Variants in CDON observed in about 807,000 individuals in gnomAD.
The protein encoded by CDON is cell adhesion associated, oncogene regulated.
A neutral mutation model predicts 120.9 loss-of-function variants in CDON; 73 were observed. That is an observed-to-expected ratio of 0.60 (90% confidence interval 0.50 to 0.73). CDON has a LOEUF of 0.73. CDON is among the 30% of genes least tolerant of loss of function. CDON has a pLI of 0.00. For missense variants in CDON, 1,470 were observed against 1,587.3 expected (o/e 0.93, Z 1.26); for synonymous variants, 566 against 573.5 (o/e 0.99, Z 0.19).
chr11:125,986,927 G>A (rs941450496), intron 15 of CDON, among the ~76,000 whole-genome samples: 3 of 152,162 alleles, frequency 2.0e-5, no homozygotes, highest in Admixed American at 2.0e-4. Flanking sequence ...AAAGCTGGAT[G>A]AACACTTGGC....
Position 126,017,147 on chromosome 11 carries a change from C to G in CDON, c.869G>C (p.Cys290Ser). 6.2e-7 allele frequency: 1 copy of G among 1,614,140 alleles called. No individual in the cohort carries two copies. The highest frequency in any genetic ancestry group is 8.5e-7 in the Non-Finnish European group (1 of 1,180,000). ...VDPADSGNYSCMAGNKSGDVK... is the reference protein window; with the variant it reads ...VDPADSGNYSSMAGNKSGDVK... ...ATCTCCAGACTTGTTTCCCGCCATGCAGGAATAGTTTCCGGAGTCCGCCGG... is the reference window on the plus strand; with the variant it reads ...ATCTCCAGACTTGTTTCCCGCCATGGAGGAATAGTTTCCGGAGTCCGCCGG... The change falls in exon 6 of 20, where the codon TGC (cysteine) becomes TCC (serine). Residue 290 changes from cysteine (C) to serine (S), a missense_variant. Transcript: ENST00000531738.
rs1192651368 is a variant in CDON, at chr11:125,956,927, A to G, written c.*4015T>C. ...AGGAAGGCTTATTTAAATATGGGAA[A>G]TAAAATACAAAAGGGCCACACCCGA... On this transcript the variant is annotated 3_prime_UTR_variant, in exon 20 of 20. Coordinates refer to ENST00000531738, the MANE Select transcript of CDON (RefSeq NM_001378964.1). 9.9e-6 allele frequency: 9 copies of G among 909,590 alleles called. No individual in the cohort carries two copies. In the South Asian group the frequency reaches 2.0e-4, roughly 20 times the overall value. The allele number at this position is 909,590 out of a possible 1,614,324, so 56.3% of individuals were successfully genotyped here.
At chr11:126,055,750 A>C (rs1948666735) in intron 1 of CDON, among the ~76,000 whole-genome samples, 2 of 152,230 alleles carry the variant, frequency 1.3e-5, no homozygotes, top group African/African-American at 2.4e-5. Flanking sequence ...GTACCTATAT[A>C]AAAAGGTAGT....
intron 9 of CDON, among the ~76,000 whole-genome samples, chr11:126,005,132 T>C (rs896803036): frequency 2.6e-5 from 4 of 152,042 alleles, no homozygotes; most frequent in Non-Finnish European, 5.9e-5. Flanking sequence ...AAACCCCATC[T>C]CTACTAAAAA....
rs1947037247 is a variant in CDON at position 126,003,961 on chromosome 11, A to G, written c.1967T>C (p.Val656Ala). Residue 656 changes from valine to alanine, a missense_variant, in exon 10 of 20, where the codon GTA becomes GCA. Physicochemically the swap from Val to Ala is moderately conservative, Grantham distance 64. Transcript: ENST00000531738. ...EPSSLYEVLMVARSAAGEGQP... is the reference protein window; with the variant it reads ...EPSSLYEVLMAARSAAGEGQP... ...GCCTTCACCTGCTGCGCTTCTTGCT[A>G]CCATCAAGACTTCATAAAGACTAGA... The G allele has an allele frequency of 2.5e-6, 4 of 1,613,860 alleles. No homozygotes were observed. The highest frequency in any genetic ancestry group is 1.3e-5 in the African/African-American group (1 of 74,898).
In CDON at chr11:126,023,608, T is replaced by C. The variant is rs11822178; in HGVS notation, c.-61-71A>G. 172,927 of 738,252 alleles carry C rather than the reference T, an allele frequency of 0.23. 20,917 individuals are homozygous for C. The highest frequency in any genetic ancestry group is 0.3 in the Middle Eastern group (835 of 2,814). The allele number at this position is 738,252 out of a possible 1,614,324, so 45.7% of individuals were successfully genotyped here. A position where few individuals can be genotyped will look rare whatever the true frequency, so the allele number is the denominator to read the frequency against. ...GTCTGAGCAGCTGGAGCTGTGAGCA[T>C]GACGGCTGCCATCTATTTTGAAAGC... On this transcript the variant is annotated intron_variant, in intron 1 of 19. Transcript: ENST00000531738.
At chr11:126,043,001 G>T (rs1948305721) in intron 1 of CDON, among the ~76,000 whole-genome samples, 2 of 152,284 alleles carry the variant, frequency 1.3e-5, no homozygotes, top group Non-Finnish European at 2.9e-5. Context: ...CGACTTCCTA[G>T]AACTAAATTG....
At position 126,010,431 on chromosome 11, in the gene CDON, G is replaced by A; in HGVS notation, c.1462C>T (p.Gln488Ter). 1 of 1,614,114 alleles carries A rather than the reference G, an allele frequency of 6.2e-7. No individual in the cohort carries two copies. The highest frequency in any genetic ancestry group is 8.5e-7 in the Non-Finnish European group (1 of 1,179,998). ...SQAGASSLHI[Q>*]AVTQEHAGKY... ...CCCGCATGTTCCTGAGTCACAGCCT[G>A]AATATGGAGAGAGCTTGCACCAGCT... The change falls in exon 8 of 20, where the codon CAG becomes TAG. Residue 488 changes from glutamine to a stop codon, truncating the protein, a stop_gained. Transcript: ENST00000531738. LOFTEE classifies it high-confidence loss of function.
In CDON at chr11:126,001,008, A is replaced by G. The variant is rs117637653; in HGVS notation, c.2158+711T>C. Among the ~76,000 whole-genome samples the G allele has an allele frequency of 7.8e-3, 1,190 of 152,322 alleles. 7 individuals are homozygous for G. Among genetic ancestry groups the G allele is most frequent in the Non-Finnish European group, 0.013 (885 of 68,024 alleles). On this transcript the variant is annotated intron_variant, in intron 11 of 19. Coordinates refer to ENST00000531738, the MANE Select transcript of CDON (RefSeq NM_001378964.1). ...TATACAGCTAAGACCTTTAAAAACC[A>G]TAAGATTAACTAGATATAGCAAAAA...
At chr11:126,033,444 C>T (rs1364727969) in intron 1 of CDON, among the ~76,000 whole-genome samples, 3 of 152,038 alleles carry the variant, frequency 2.0e-5, no homozygotes, top group Non-Finnish European at 2.9e-5. Flanking sequence ...AACTATCATG[C>T]TTGAAGGGAC....
chr11:125,981,783 A>G (rs1285867248), intron 16 of CDON, among the ~76,000 whole-genome samples: 5 of 151,958 alleles, frequency 3.3e-5, no homozygotes, highest in African/African-American at 4.8e-5. Context: ...CTAAGTGCTG[A>G]AAAAAACTGC....
At chr11:126,011,030 C>A in intron 7 of CDON, 3 of 387,868 alleles carry the variant, frequency 7.7e-6, no homozygotes, top group South Asian at 6.1e-5. Context: ...AACCTCAGAC[C>A]TTAACAGGAA....
At chr11:126,056,947 T>C (rs1219879066) in intron 1 of CDON, among the ~76,000 whole-genome samples, 2 of 152,236 alleles carry the variant, frequency 1.3e-5, no homozygotes. Context: ...GACTGGTGGT[T>C]ACTTCTGTAC....
At chr11:125,963,304 T>A (rs1248819265) in intron 18 of CDON, among the ~76,000 whole-genome samples, 1 of 152,166 alleles carries the variant, frequency 6.6e-6, no homozygotes, top group Non-Finnish European at 1.5e-5. Context: ...AGTGACACTT[T>A]TTTTCCCCCC....
chr11:126,013,610 T>C (rs758299404), intron 7 of CDON, among the ~76,000 whole-genome samples: 1 of 152,162 alleles, frequency 6.6e-6, no homozygotes, highest in Non-Finnish European at 1.5e-5. Flanking sequence ...AATCTTATTA[T>C]CTTTAATTGC....
chr11:125,972,270 A>G (rs1218097396), intron 18 of CDON, among the ~76,000 whole-genome samples: 3 of 152,176 alleles, frequency 2.0e-5, no homozygotes, highest in Non-Finnish European at 4.4e-5. Context: ...TACTAAAAAT[A>G]CAAAAAAATT....
Position 126,017,153 on chromosome 11 carries a change from T to G in CDON, c.863A>C (p.Tyr288Ser). 1.2e-6 allele frequency: 2 copies of G among 1,614,158 alleles called. No individual in the cohort carries two copies. Among genetic ancestry groups the G allele is most frequent in the South Asian group, 1.1e-5 (1 of 91,084 alleles). Residue 288 changes from tyrosine to serine, a missense_variant, in exon 6 of 20, where the codon TAT (tyrosine) becomes TCT (serine). Tyr to Ser is a moderately radical substitution (Grantham distance 144). Coordinates refer to ENST00000531738, the MANE Select transcript of CDON (RefSeq NM_001378964.1). ...DSVDPADSGNYSCMAGNKSGD... is the reference protein window; with the variant it reads ...DSVDPADSGNSSCMAGNKSGD... ...AGACTTGTTTCCCGCCATGCAGGAA[T>G]AGTTTCCGGAGTCCGCCGGGTCAAC...
At chr11:126,063,018 C>T (rs989367554), upstream of CDON, among the ~76,000 whole-genome samples, 1 of 151,840 alleles carries the variant, frequency 6.6e-6, no homozygotes, top group African/African-American at 2.4e-5. Flanking sequence ...CGCTGTGCCC[C>T]GCCGGCCCGC....
intron 14 of CDON, among the ~76,000 whole-genome samples, chr11:125,991,309 T>C (rs1946626184): frequency 6.6e-6 from 1 of 152,204 alleles, no homozygotes; most frequent in South Asian, 2.1e-4. Flanking sequence ...ATCATTAGGT[T>C]TAAAACTGAC....
Sources: allele counts gnomAD v4.1 joint callset (sites outside exome capture counted in the v4.1 genomes callset), GRCh38; gene constraint gnomAD v4.1.1; transcripts MANE v1.5; gene names NCBI Gene and HGNC (gene_info 2026-07-23, HGNC 2026-07-21).